CHD9: variants seen among roughly 807,000 people sequenced by gnomAD.
The protein encoded by CHD9 is ATP-dependent chromatin remodeler CHD9.
A neutral mutation model predicts 316.1 loss-of-function variants in CHD9; 77 were observed. That is an observed-to-expected ratio of 0.24 (90% CI 0.20 to 0.29). CHD9 has a LOEUF of 0.29. CHD9 is among the 10% of genes least tolerant of loss of function. The pLI is 1.00. For missense variants in CHD9, 2,763 were observed against 3,438.1 expected (o/e 0.80, Z 4.91); for synonymous variants, 1,129 against 1,158.3 (o/e 0.97, Z 0.51).
rs2032862585 is a variant in CHD9, at chr16:53,061,211, G to T, written c.-165+6134G>T. ...CAAAGTGCTAGGATTACAGGCATGA[G>T]CCACCTCGCCTGGCCAAGATGCTGT... On this transcript the variant is annotated intron_variant, in intron 1 of 38. Transcript: ENST00000447540. Among the ~76,000 whole-genome samples, 3 of 152,152 alleles carry T rather than the reference G, an allele frequency of 2.0e-5. 1 individual carries two copies. In the South Asian group the frequency reaches 6.2e-4, roughly 32 times the overall value.
At chr16:53,138,302 A>G (rs1567361495) in intron 1 of CHD9, among the ~76,000 whole-genome samples, 1 of 152,206 alleles carries the variant, frequency 6.6e-6, no homozygotes, top group Non-Finnish European at 1.5e-5. Context: ...TATTCTAAGA[A>G]AAGCAGATTT....
chr16:53,095,553 A>C (rs185016054), intron 1 of CHD9, among the ~76,000 whole-genome samples: 1 of 151,760 alleles, frequency 6.6e-6, no homozygotes, highest in Non-Finnish European at 1.5e-5. Context: ...TGTCTCTAAA[A>C]AAAAAAATTA....
rs2055359535 is a variant in CHD9, at chr16:53,301,088, AC to A, written c.5714-2631del. 3.3e-5 allele frequency among the ~76,000 whole-genome samples: 5 copies of A among 152,312 alleles called. No individual in the cohort carries two copies. In the South Asian group the frequency reaches 1.0e-3, roughly 32 times the overall value. ...CCTCTGTCTCAAAAAAAGAAAAAAA[AC>A]AAAACAAAACATTATTCACATCTCA... On this transcript the variant is annotated intron_variant, in intron 30 of 38. Transcript: ENST00000447540.
At chr16:53,071,934 A>G (rs1337961818) in intron 1 of CHD9, among the ~76,000 whole-genome samples, 1 of 152,046 alleles carries the variant, frequency 6.6e-6, no homozygotes, top group Admixed American at 6.5e-5. Flanking sequence ...TACCCTCAGG[A>G]CAGCTGGTGA....
chr16:53,079,810 C>T (rs2034863082), intron 1 of CHD9, among the ~76,000 whole-genome samples: 1 of 152,174 alleles, frequency 6.6e-6, no homozygotes, highest in Non-Finnish European at 1.5e-5. Context: ...GGTGGTGCTC[C>T]CAGAGAGAGC....
At chr16:53,273,212 A>G (rs2052458671) in intron 22 of CHD9, among the ~76,000 whole-genome samples, 1 of 152,248 alleles carries the variant, frequency 6.6e-6, no homozygotes. Context: ...AACTAAAATG[A>G]GTTTAGCTAT....
intron 2 of CHD9, chr16:53,208,139 T>A (rs1399034346): frequency 1.9e-6 from 2 of 1,074,332 alleles, no homozygotes; most frequent in East Asian, 9.0e-5. Flanking sequence ...ACAGTAGATA[T>A]AAACTTGCCA....
intron 1 of CHD9, among the ~76,000 whole-genome samples, chr16:53,145,797 T>C (rs2040526135): frequency 6.6e-6 from 1 of 152,046 alleles, no homozygotes; most frequent in East Asian, 1.9e-4. Flanking sequence ...TACCAAAAGC[T>C]AGATTCTATA....
intron 1 of CHD9, among the ~76,000 whole-genome samples, chr16:53,135,057 T>G (rs2039615043): frequency 1.3e-5 from 2 of 152,168 alleles, no homozygotes; most frequent in Admixed American, 1.3e-4. Context: ...CAGTTGGTGA[T>G]TCTAAGTGGA....
chr16:53,056,686 G>A (rs536121107), intron 1 of CHD9, among the ~76,000 whole-genome samples: 2 of 152,330 alleles, frequency 1.3e-5, no homozygotes, highest in South Asian at 4.1e-4. Context: ...ACTGCTGTGA[G>A]CTGAGCACTT....
At chr16:53,307,536 A>AAT (rs905994395) in intron 32 of CHD9, 145 bp from the exon 33 acceptor site, 421 of 678,358 alleles carry the variant, frequency 6.2e-4, no homozygotes, top group African/African-American at 8.0e-4. Flanking sequence ...GCAGAATTGT[A>AAT]ATATATATAT....
chr16:53,236,586 CTCTT>C (rs1284362773), intron 11 of CHD9, among the ~76,000 whole-genome samples: 1 of 151,742 alleles, frequency 6.6e-6, no homozygotes, highest in African/African-American at 2.4e-5. Context: ...CTCTCTCTCT[CTCTT>C]TCTCTTTCTC....
At position 53,314,709 on chromosome 16, in the gene CHD9, A is replaced by G. The variant is rs1253684897; in HGVS notation, c.7363-114A>G. The G allele has an allele frequency of 6.6e-6, 7 of 1,062,822 alleles. 1 individual carries two copies. The highest frequency in any genetic ancestry group is 8.1e-6 in the Non-Finnish European group (6 of 745,134). The allele number at this position is 1,062,822 out of a possible 1,614,324, so 65.8% of individuals were successfully genotyped here. A position where few individuals can be genotyped will look rare whatever the true frequency, so the allele number is the denominator to read the frequency against. On this transcript the variant is annotated intron_variant, in intron 35 of 38. Coordinates refer to ENST00000447540, the MANE Select transcript of CHD9 (RefSeq NM_001308319.2). The stretch of plus-strand genomic sequence containing the variant: ...TAAAAATTTTAAGTTTAAAAGATTT[A>G]GCAGAATTTTTAGCAACAACTTATT...
intron 1 of CHD9, among the ~76,000 whole-genome samples, chr16:53,137,508 CA>C (rs1040896384): frequency 2.0e-5 from 3 of 152,158 alleles, no homozygotes; most frequent in African/African-American, 4.8e-5. Flanking sequence ...TATGGTTTTT[CA>C]AATTTGTTGT....
chr16:53,316,115 G>C (rs1252130785), intron 36 of CHD9, among the ~76,000 whole-genome samples: 1 of 151,594 alleles, frequency 6.6e-6, no homozygotes, highest in Non-Finnish European at 1.5e-5. Flanking sequence ...GGCTCTTACT[G>C]TCTTGCTCAG....
chr16:53,262,904 C>A, intron 19 of CHD9, 83 bp from the exon 20 acceptor site: 1 of 1,112,140 alleles, frequency 9.0e-7, no homozygotes, highest in Non-Finnish European at 1.4e-6. Context: ...AATTCAAATT[C>A]TATCCATAGT....
At chr16:53,149,758 C>CGCCAGGCGCGG (rs1293838943) in intron 1 of CHD9, among the ~76,000 whole-genome samples, 1 of 149,926 alleles carries the variant, frequency 6.7e-6, no homozygotes, top group Non-Finnish European at 1.5e-5. Flanking sequence ...TGGGGTCTTG[C>CGCCAGGCGCGG]TGTGTGTCCC....
chr16:53,085,596 C>CTAAG (rs1478828506), intron 1 of CHD9, among the ~76,000 whole-genome samples: 1 of 152,196 alleles, frequency 6.6e-6, no homozygotes, highest in African/African-American at 2.4e-5. Context: ...AGGCCACAGG[C>CTAAG]TAAGGAACAG....
At chr16:53,321,315 C>T in intron 37 of CHD9, 1 of 1,354,142 alleles carries the variant, frequency 7.4e-7, no homozygotes, top group South Asian at 1.6e-5. Flanking sequence ...CTACTTAAAA[C>T]ATTTAAAATT....
Sources: allele counts gnomAD v4.1 joint callset (sites outside exome capture counted in the v4.1 genomes callset), GRCh38; gene constraint gnomAD v4.1.1; transcripts MANE v1.5; gene names NCBI Gene and HGNC (gene_info 2026-07-23, HGNC 2026-07-21).